The following GNAQ variants were observed in gnomAD, a reference collection of about 807,000 sequenced individuals.
GNAQ encodes G protein subunit alpha q.
GNAQ carries 8 observed loss-of-function variants against 43.9 expected under a neutral mutation model. The ratio of observed to expected loss-of-function variants is 0.18; its 90% CI spans 0.11 to 0.33. The LOEUF (loss-of-function observed/expected upper bound fraction) is 0.33. Among genes scored for constraint, GNAQ ranks in the 10% least tolerant of loss-of-function variants. The pLI, the probability that GNAQ is intolerant of heterozygous loss-of-function variation, is 1.00. For synonymous variants in GNAQ, 155 were observed against 170.7 expected (o/e 0.91, Z 0.71); for missense variants, 158 against 450.8 (o/e 0.35, Z 5.88).
intron 5 of GNAQ, among the ~76,000 whole-genome samples, chr9:77,729,309 T>C (rs1476754112): frequency 1.3e-5 from 2 of 152,180 alleles, no homozygotes; most frequent in South Asian, 2.1e-4. Context: ...AAGACACACA[T>C]AGTAATTATG....
chr9:77,954,251 T>C (rs1476103688), intron 1 of GNAQ, among the ~76,000 whole-genome samples: 1 of 152,202 alleles, frequency 6.6e-6, no homozygotes, highest in Non-Finnish European at 1.5e-5. Context: ...TTTGGACTAT[T>C]TTTCCTTCCT....
intron 2 of GNAQ, among the ~76,000 whole-genome samples, chr9:77,915,789 CA>C (rs1416667163): frequency 6.6e-6 from 1 of 152,302 alleles, no homozygotes; most frequent in East Asian, 1.9e-4. Context: ...TTTATTTTAA[CA>C]AAGACTTAGC....
At chr9:77,933,940 C>G (rs1196852924) in intron 1 of GNAQ, among the ~76,000 whole-genome samples, 2 of 152,170 alleles carry the variant, frequency 1.3e-5, no homozygotes, top group Admixed American at 1.3e-4. Flanking sequence ...GAAAAGCACT[C>G]TGAATTTCCT....
intron 2 of GNAQ, among the ~76,000 whole-genome samples, chr9:77,868,877 C>T (rs1244383434): frequency 1.3e-5 from 2 of 152,088 alleles, no homozygotes; most frequent in East Asian, 1.9e-4. Flanking sequence ...ATCCCAGCTA[C>T]TTGGGAGGCT....
intron 2 of GNAQ, 148 bp downstream of exon 2, chr9:77,922,013 T>C: frequency 2.1e-6 from 1 of 474,850 alleles, no homozygotes; most frequent in Non-Finnish European, 3.7e-6. Flanking sequence ...TATTATCTAT[T>C]AAAAGTCTCA....
At chr9:77,870,859 C>T (rs1410557) in intron 2 of GNAQ, among the ~76,000 whole-genome samples, 79,402 of 151,584 alleles carry the variant, frequency 0.52, 22,684 homozygotes, top group South Asian at 0.64. Context: ...ATATAAGAAG[C>T]CAAACGCAAA....
intron 2 of GNAQ, among the ~76,000 whole-genome samples, chr9:77,861,076 T>G (rs1216633547): frequency 1.3e-5 from 2 of 152,170 alleles, no homozygotes; most frequent in East Asian, 3.9e-4. Context: ...GGACTTACAG[T>G]TCCATGTGGC....
intron 1 of GNAQ, among the ~76,000 whole-genome samples, chr9:77,953,883 A>G (rs963850953): frequency 6.6e-6 from 1 of 152,150 alleles, no homozygotes; most frequent in African/African-American, 2.4e-5. Flanking sequence ...AGCACAGACA[A>G]TTTGGCCCCT....
At chr9:77,934,462 G>A (rs1003444376) in intron 1 of GNAQ, among the ~76,000 whole-genome samples, 2 of 152,038 alleles carry the variant, frequency 1.3e-5, no homozygotes, top group South Asian at 4.2e-4. Flanking sequence ...TTCACTTTGA[G>A]CCTCTAAAAA....
intron 1 of GNAQ, among the ~76,000 whole-genome samples, chr9:77,986,188 T>C (rs868453031): frequency 8.5e-5 from 13 of 152,058 alleles, no homozygotes; most frequent in African/African-American, 3.1e-4. Context: ...GATATCTGGC[T>C]CATACCTGCT....
At chr9:77,933,886 C>T (rs935008744) in intron 1 of GNAQ, among the ~76,000 whole-genome samples, 1 of 152,062 alleles carries the variant, frequency 6.6e-6, no homozygotes, top group Non-Finnish European at 1.5e-5. Flanking sequence ...ATAAATTGCA[C>T]ACTTTAAAAA....
At chr9:77,898,913 T>C (rs1828547827) in intron 2 of GNAQ, among the ~76,000 whole-genome samples, 1 of 152,180 alleles carries the variant, frequency 6.6e-6, no homozygotes, top group Non-Finnish European at 1.5e-5. Context: ...AAAGACATAA[T>C]ATATCATGCA....
chr9:77,863,064 C>G lies in GNAQ; in HGVS notation c.322-47294G>C, dbSNP rs192569224. 2.0e-3 allele frequency among the ~76,000 whole-genome samples: 306 copies of G among 152,230 alleles called. 4 individuals are homozygous for G. The highest frequency in any genetic ancestry group is 0.017 in the Admixed American group (262 of 15,294). ...TGGCACATGCCTGTAATCCCAGCTA[C>G]TTGGGAGGCAGAGGCAGGAGAATTG... On this transcript the variant is annotated intron_variant, in intron 2 of 6. Coordinates refer to ENST00000286548, the MANE Select transcript of GNAQ (RefSeq NM_002072.5).
intron 3 of GNAQ, among the ~76,000 whole-genome samples, chr9:77,805,878 T>A (rs1367719175): frequency 6.6e-6 from 1 of 152,198 alleles, no homozygotes; most frequent in Non-Finnish European, 1.5e-5. Context: ...ACTAACCCAA[T>A]CTAGAAAAGA....
intron 5 of GNAQ, among the ~76,000 whole-genome samples, chr9:77,786,396 A>G (rs1323163156): frequency 6.6e-6 from 1 of 151,924 alleles, no homozygotes; most frequent in Non-Finnish European, 1.5e-5. Context: ...ATTAAAAAAT[A>G]CATCTGCTTA....
chr9:78,018,562 C>T (rs1053101596), intron 1 of GNAQ, among the ~76,000 whole-genome samples: 1 of 151,984 alleles, frequency 6.6e-6, no homozygotes, highest in Non-Finnish European at 1.5e-5. Context: ...AGCATGAAAA[C>T]AACATAATGT....
At chr9:77,904,981 T>C (rs998522885) in intron 2 of GNAQ, among the ~76,000 whole-genome samples, 5 of 152,192 alleles carry the variant, frequency 3.3e-5, no homozygotes, top group Admixed American at 3.3e-4. Context: ...TAATAGTCTA[T>C]TGTTCAACTA....
At chr9:77,751,722 T>C (rs868142101) in intron 5 of GNAQ, among the ~76,000 whole-genome samples, 5 of 152,158 alleles carry the variant, frequency 3.3e-5, no homozygotes, top group African/African-American at 1.2e-4. Flanking sequence ...TTCCACTTCC[T>C]GTAATTTCAA....
At chr9:77,897,471 A>T (rs540400262) in intron 2 of GNAQ, among the ~76,000 whole-genome samples, 141 of 152,306 alleles carry the variant, frequency 9.3e-4, no homozygotes, top group African/African-American at 3.2e-3. Context: ...ATTTAATCTC[A>T]CAGTGAAGCC....
Sources: allele counts gnomAD v4.1 joint callset (sites outside exome capture counted in the v4.1 genomes callset), GRCh38; gene constraint gnomAD v4.1.1; transcripts MANE v1.5; gene names NCBI Gene and HGNC (gene_info 2026-07-23, HGNC 2026-07-21).